Variants in ZSWIM5 observed in about 807,000 individuals in gnomAD.
ZSWIM5 encodes zinc finger SWIM-type containing 5.
ZSWIM5 carries 55 observed loss-of-function variants against 119.6 expected under a neutral mutation model. That is an observed-to-expected ratio of 0.46 (90% CI 0.37 to 0.58). ZSWIM5 has a LOEUF of 0.58. ZSWIM5 is among the 20% of genes least tolerant of loss of function. The pLI is 0.00. For synonymous variants in ZSWIM5, 537 were observed against 606.9 expected (o/e 0.88, Z 1.69); for missense variants, 1,193 against 1,512.8 (o/e 0.79, Z 3.51).
At chr1:45,030,088 G>A (rs1253883844) in intron 11 of ZSWIM5, among the ~76,000 whole-genome samples, 3 of 152,018 alleles carry the variant, frequency 2.0e-5, no homozygotes, top group Admixed American at 6.6e-5. Flanking sequence ...GGGACTACAG[G>A]GGGGTGCCAC....
chr1:45,148,632 C>G (rs979003539), intron 1 of ZSWIM5, among the ~76,000 whole-genome samples: 1 of 152,168 alleles, frequency 6.6e-6, no homozygotes, highest in African/African-American at 2.4e-5. Flanking sequence ...TGGCACCATG[C>G]TGTGGGCTAT....
intron 1 of ZSWIM5, among the ~76,000 whole-genome samples, chr1:45,106,574 C>A (rs183916729): frequency 4.7e-5 from 7 of 149,702 alleles, no homozygotes; most frequent in Admixed American, 4.0e-4. Context: ...CCAGCTGCCA[C>A]CCTGTCTGGG....
chr1:45,128,781 C>T (rs567629175), intron 1 of ZSWIM5, among the ~76,000 whole-genome samples: 3 of 152,316 alleles, frequency 2.0e-5, no homozygotes, highest in Non-Finnish European at 4.4e-5. Context: ...ACTTATTCAT[C>T]CTTTCCCTGC....
At chr1:45,037,788 T>C (rs1355430582) in intron 8 of ZSWIM5, among the ~76,000 whole-genome samples, 1 of 152,258 alleles carries the variant, frequency 6.6e-6, no homozygotes, top group African/African-American at 2.4e-5. Context: ...TCTTAACTTT[T>C]GTAACATTTG....
intron 1 of ZSWIM5, among the ~76,000 whole-genome samples, chr1:45,090,638 TAAAATA>T (rs1312724885): frequency 6.6e-6 from 1 of 150,992 alleles, no homozygotes; most frequent in Non-Finnish European, 1.5e-5. Flanking sequence ...TAAAATAAAA[TAAAATA>T]AAAATAAAAT....
chr1:45,151,836 A>G (rs1413911518), intron 1 of ZSWIM5, among the ~76,000 whole-genome samples: 1 of 152,212 alleles, frequency 6.6e-6, no homozygotes, highest in African/African-American at 2.4e-5. Context: ...GTTTTGACAC[A>G]TGTTAAGTTT....
At chr1:45,144,594 G>A (rs1645750157) in intron 1 of ZSWIM5, among the ~76,000 whole-genome samples, 1 of 151,980 alleles carries the variant, frequency 6.6e-6, no homozygotes, top group Non-Finnish European at 1.5e-5. Context: ...ATGAAGCGAG[G>A]ACAGTCTTTT....
chr1:45,056,188 CAG>C (rs1645120468), intron 4 of ZSWIM5, among the ~76,000 whole-genome samples: 1 of 152,014 alleles, frequency 6.6e-6, no homozygotes, highest in Non-Finnish European at 1.5e-5. Context: ...AGAGTGACCA[CAG>C]ATAATTTTTT....
At chr1:45,021,675 C>T (rs570015516) in intron 11 of ZSWIM5, among the ~76,000 whole-genome samples, 2 of 152,130 alleles carry the variant, frequency 1.3e-5, no homozygotes, top group Non-Finnish European at 2.9e-5. Flanking sequence ...TGACTACAGG[C>T]TTTGGAATAA....
chr1:45,107,081 G>A (rs1645485509), intron 1 of ZSWIM5, among the ~76,000 whole-genome samples: 1 of 152,160 alleles, frequency 6.6e-6, no homozygotes, highest in Non-Finnish European at 1.5e-5. Flanking sequence ...AGGGCCGAAG[G>A]CCACAGGAAC....
At chr1:45,151,216 A>T (rs963086617) in intron 1 of ZSWIM5, among the ~76,000 whole-genome samples, 1 of 151,768 alleles carries the variant, frequency 6.6e-6, no homozygotes, top group Non-Finnish European at 1.5e-5. Flanking sequence ...TTATTGAGTT[A>T]ATATATATAT....
At chr1:45,025,687 T>A (rs1222666580) in intron 11 of ZSWIM5, among the ~76,000 whole-genome samples, 1 of 152,220 alleles carries the variant, frequency 6.6e-6, no homozygotes, top group Non-Finnish European at 1.5e-5. Context: ...TTGCTATAAT[T>A]ACTTGTTAGT....
chr1:45,160,989 A>ATTTTTTTTTTTTTTTGTTTTTT (rs1645860579), intron 1 of ZSWIM5, among the ~76,000 whole-genome samples: 1 of 122,670 alleles, frequency 8.2e-6, no homozygotes, highest in Non-Finnish European at 1.8e-5. Context: ...GCCCGGCTAA[A>ATTTTTTTTTTTTTTTGTTTTTT]TTTTTTTTTT....
intron 1 of ZSWIM5, among the ~76,000 whole-genome samples, chr1:45,156,777 C>T (rs1208715466): frequency 1.4e-5 from 2 of 147,288 alleles, no homozygotes; most frequent in East Asian, 4.0e-4. Context: ...GCCAGTTGGG[C>T]AAATAAAACA....
chr1:45,179,859 T>C (rs1186887069), intron 1 of ZSWIM5, among the ~76,000 whole-genome samples: 2 of 152,110 alleles, frequency 1.3e-5, no homozygotes, highest in African/African-American at 4.8e-5. Flanking sequence ...TGTAATCACA[T>C]AGTCCTTATA....
chr1:45,087,852 T>C (rs1645340493), intron 2 of ZSWIM5, 29 bp downstream of exon 2: 1 of 1,533,430 alleles, frequency 6.5e-7, no homozygotes, highest in Non-Finnish European at 8.8e-7. Context: ...AAAAGACCTT[T>C]TTTTTCAATA....
chr1:45,035,950 T>C (rs556875321), intron 9 of ZSWIM5, 89 bp downstream of exon 9: 2 of 1,566,278 alleles, frequency 1.3e-6, no homozygotes, highest in South Asian at 2.4e-5. Flanking sequence ...TTTAATGTCA[T>C]AAATGTTCCT....
intron 1 of ZSWIM5, among the ~76,000 whole-genome samples, chr1:45,174,192 T>C (rs1184027117): frequency 6.6e-6 from 1 of 152,060 alleles, no homozygotes; most frequent in Admixed American, 6.6e-5. Flanking sequence ...GGAGAATTGC[T>C]TGAACCCGGA....
At chr1:45,023,266 G>A (rs979317693) in intron 11 of ZSWIM5, among the ~76,000 whole-genome samples, 6 of 152,014 alleles carry the variant, frequency 3.9e-5, no homozygotes, top group Non-Finnish European at 5.9e-5. Context: ...TAAGTCCCTG[G>A]CAACTATTGA....
Sources: gnomAD v4.1 joint callset for allele counts (sites outside exome capture counted in the v4.1 genomes callset) on GRCh38, gnomAD v4.1.1 for gene constraint, MANE v1.5 for transcripts, NCBI Gene and HGNC (gene_info 2026-07-23, HGNC 2026-07-21) for gene names.